PHACTR1: variants seen among roughly 807,000 people sequenced by gnomAD.
The protein encoded by PHACTR1 is RPEL repeat containing 1.
A neutral mutation model predicts 69.2 loss-of-function variants in PHACTR1; 16 were observed. That is an observed-to-expected ratio of 0.23 (90% CI 0.16 to 0.35). PHACTR1 has a LOEUF of 0.35. Among genes scored for constraint, PHACTR1 ranks in the 10% least tolerant of loss-of-function variants. PHACTR1 has a pLI of 1.00. For missense variants in PHACTR1, 510 were observed against 734.7 expected (o/e 0.69, Z 3.54); for synonymous variants, 312 against 284.5 (o/e 1.10, Z -0.97).
chr6:12,944,789 T>TTATTTATTTA (rs1425450746), intron 4 of PHACTR1, among the ~76,000 whole-genome samples: 82 of 55,190 alleles, frequency 1.5e-3, no homozygotes, highest in Middle Eastern at 8.5e-3. Flanking sequence ...TTTTATTTAT[T>TTATTTATTTA]TTTTTTTTTT....
chr6:12,756,950 GATAC>G (rs1403987844), intron 4 of PHACTR1, among the ~76,000 whole-genome samples: 3 of 152,084 alleles, frequency 2.0e-5, no homozygotes, highest in African/African-American at 7.2e-5. Context: ...AGGCACTTGA[GATAC>G]ATCAGTGATC....
intron 4 of PHACTR1, among the ~76,000 whole-genome samples, chr6:12,804,311 T>C (rs1581827071): frequency 1.3e-5 from 2 of 152,328 alleles, no homozygotes; most frequent in East Asian, 3.9e-4. Flanking sequence ...CATTGTTGAC[T>C]TATGTTAGAT....
chr6:12,794,620 G>A (rs1027843387), intron 4 of PHACTR1, among the ~76,000 whole-genome samples: 2 of 152,116 alleles, frequency 1.3e-5, no homozygotes, highest in Admixed American at 6.5e-5. Flanking sequence ...ACATGTCATC[G>A]GCATAAAAAC....
At chr6:12,734,012 T>C (rs534992293) in intron 3 of PHACTR1, among the ~76,000 whole-genome samples, 7 of 152,312 alleles carry the variant, frequency 4.6e-5, no homozygotes, top group South Asian at 2.1e-4. Flanking sequence ...ATACAAAGCC[T>C]GAAGCACATT....
At chr6:13,067,711 ATCTC>A (rs1215436303) in intron 5 of PHACTR1, among the ~76,000 whole-genome samples, 4 of 152,216 alleles carry the variant, frequency 2.6e-5, no homozygotes, top group African/African-American at 9.6e-5. Context: ...CAATATAACT[ATCTC>A]TTTCTGCTGT....
chr6:13,151,572 C>A (rs188396893), intron 5 of PHACTR1, among the ~76,000 whole-genome samples: 29 of 152,338 alleles, frequency 1.9e-4, no homozygotes, highest in Admixed American at 1.8e-3. Context: ...AACTTGCCTT[C>A]AGCTGCAGGC....
chr6:12,749,960 G>C (rs1318774650), intron 4 of PHACTR1, among the ~76,000 whole-genome samples, 170 bp downstream of exon 4: 1 of 152,174 alleles, frequency 6.6e-6, no homozygotes, highest in African/African-American at 2.4e-5. Flanking sequence ...GCGAGCTACG[G>C]GGTGGGGGAG....
At chr6:13,241,544 C>T (rs905280432) in intron 10 of PHACTR1, among the ~76,000 whole-genome samples, 1 of 152,156 alleles carries the variant, frequency 6.6e-6, no homozygotes, top group Non-Finnish European at 1.5e-5. Flanking sequence ...AGCTTGAAAG[C>T]TCTTCACCAC....
chr6:12,928,537 C>T (rs553071533), intron 4 of PHACTR1, among the ~76,000 whole-genome samples: 19 of 152,170 alleles, frequency 1.2e-4, no homozygotes. Context: ...CTTCCTCTTC[C>T]GAGTTCACAG....
At chr6:12,930,021 A>G (rs1788696472) in intron 4 of PHACTR1, among the ~76,000 whole-genome samples, 1 of 151,816 alleles carries the variant, frequency 6.6e-6, no homozygotes, top group Non-Finnish European at 1.5e-5. Flanking sequence ...TTAATCTCCC[A>G]ACACTGCCTG....
intron 5 of PHACTR1, among the ~76,000 whole-genome samples, chr6:13,157,814 C>T (rs1454868756): frequency 2.6e-5 from 4 of 152,128 alleles, no homozygotes; most frequent in African/African-American, 9.7e-5. Flanking sequence ...TTAAAGCCCC[C>T]CTGCTTCACC....
At chr6:13,216,701 T>C (rs1303882203) in intron 8 of PHACTR1, among the ~76,000 whole-genome samples, 1 of 152,228 alleles carries the variant, frequency 6.6e-6, no homozygotes, top group Non-Finnish European at 1.5e-5. Flanking sequence ...CCTATATTTA[T>C]CATCTTTAAT....
chr6:13,238,189 C>G (rs189619504), intron 10 of PHACTR1, among the ~76,000 whole-genome samples: 1 of 152,162 alleles, frequency 6.6e-6, no homozygotes, highest in Non-Finnish European at 1.5e-5. Flanking sequence ...GGGAATCAGA[C>G]GGGTTTAAGG....
chr6:12,825,308 C>G (rs1776673136), intron 4 of PHACTR1, among the ~76,000 whole-genome samples: 1 of 149,300 alleles, frequency 6.7e-6, no homozygotes, highest in South Asian at 2.1e-4. Context: ...ACAAAACCCT[C>G]TCTCTCTCAA....
chr6:12,988,832 G>A (rs753205569), intron 4 of PHACTR1, among the ~76,000 whole-genome samples: 4 of 152,208 alleles, frequency 2.6e-5, no homozygotes, highest in African/African-American at 7.2e-5. Context: ...ATCACAGTAA[G>A]AGCCTACTCA....
intron 4 of PHACTR1, among the ~76,000 whole-genome samples, chr6:12,887,666 C>T (rs765760044): frequency 1.3e-5 from 2 of 152,160 alleles, no homozygotes; most frequent in Non-Finnish European, 2.9e-5. Context: ...AGGCATTACT[C>T]TAGGTGCTCA....
Position 12,854,142 on chromosome 6 carries a change from G to C in PHACTR1, c.250+104352G>C, listed in dbSNP as rs567589719. On this transcript the variant is annotated intron_variant, in intron 4 of 14. Coordinates refer to ENST00000332995, the MANE Select transcript of PHACTR1 (RefSeq NM_030948.6). ...CCATGAAAAACCTTCAATGTCTTAG[G>C]AAATTTAACTTTTTATTCTGAGATG... is the stretch of plus-strand genomic sequence containing the variant. Among the ~76,000 whole-genome samples, 10 of 152,288 alleles carry C rather than the reference G, an allele frequency of 6.6e-5. No homozygotes were observed. In the East Asian group the frequency reaches 1.9e-3, roughly 29 times the overall value.
chr6:12,933,801 G>A (rs766412611), intron 4 of PHACTR1: 21 of 1,612,702 alleles, frequency 1.3e-5, no homozygotes, highest in Non-Finnish European at 1.7e-5. Context: ...AGTACAGGTG[G>A]ACAATTCTCT....
chr6:13,233,989 T>C (rs571951765), intron 10 of PHACTR1, among the ~76,000 whole-genome samples: 2 of 152,350 alleles, frequency 1.3e-5, no homozygotes, highest in African/African-American at 4.8e-5. Context: ...ATTGGCAAAG[T>C]TGTACAGAGA....
Sources: allele counts gnomAD v4.1 joint callset (sites outside exome capture counted in the v4.1 genomes callset), GRCh38; gene constraint gnomAD v4.1.1; transcripts MANE v1.5; gene names NCBI Gene and HGNC (gene_info 2026-07-23, HGNC 2026-07-21).